Variants in WNT3 observed in about 807,000 individuals in gnomAD.
The protein encoded by WNT3 is proto-oncogene Wnt-3.
Under a neutral mutation model 34.2 loss-of-function variants are expected in WNT3, and 7 were observed. The ratio of observed to expected loss-of-function variants is 0.20; its 90% CI spans 0.12 to 0.38. The LOEUF is 0.38. WNT3 is among the 10% of genes least tolerant of loss of function. The pLI is 1.00. For missense variants in WNT3, 267 were observed against 499.8 expected, an observed-to-expected ratio of 0.53 and a Z score of 4.44; for synonymous variants, 212 against 211.5, an observed-to-expected ratio of 1.00 and a Z score of -0.02.
rs1598753003 is a variant in WNT3, at chr17:46,768,243, G to A, written c.*8+69C>T. ...AACAGAAGGGGGTCGTCAAGAAGAC[G>A]AGATGGGCAAACAACCCCATTCCCT... On this transcript the variant is annotated intron_variant, in intron 4 of 4. Coordinates refer to ENST00000225512, the MANE Select transcript of WNT3 (RefSeq NM_030753.5). This position sits in a 1 kb window ranked among gnomAD's most constrained non-coding sequence, Gnocchi z 5.0. The A allele has an allele frequency of 2.5e-5, 40 of 1,602,946 alleles. No individual in the cohort carries two copies. The East Asian group carries it at 6.0e-4, about 24-fold the overall frequency.
intron 1 of WNT3, among the ~76,000 whole-genome samples, chr17:46,803,670 C>G (rs2084155597): frequency 6.6e-6 from 1 of 152,234 alleles, no homozygotes. Context: ...AGGCCTGCAG[C>G]CTGCCCATCC....
At chr17:46,773,619 T>TCCCGGCCC in intron 2 of WNT3, 49 bp downstream of exon 2, 1 of 549,848 alleles carries the variant, frequency 1.8e-6, no homozygotes, top group Non-Finnish European at 3.2e-6. Flanking sequence ...ACAGTCCTGA[T>TCCCGGCCC]CCCTCCCCCC....
At chr17:46,801,642 GAATTAAATTA>G (rs1209176134) in intron 1 of WNT3, among the ~76,000 whole-genome samples, 1 of 147,374 alleles carries the variant, frequency 6.8e-6, no homozygotes, top group Admixed American at 6.8e-5. Flanking sequence ...GAATTGAATT[GAATTAAATTA>G]AATTAAATTA....
intron 1 of WNT3, among the ~76,000 whole-genome samples, chr17:46,805,039 G>A (rs955233210): frequency 6.6e-6 from 1 of 151,488 alleles, no homozygotes; most frequent in Non-Finnish European, 1.5e-5. Context: ...GGGTCCTTAA[G>A]ACCTGTAACA....
intron 2 of WNT3, among the ~76,000 whole-genome samples, chr17:46,771,861 G>A (rs1351074184): frequency 6.9e-6 from 1 of 144,386 alleles, no homozygotes; most frequent in African/African-American, 2.5e-5. Context: ...TTTTCAGGCC[G>A]CCCAGGCCCC....
intron 1 of WNT3, among the ~76,000 whole-genome samples, chr17:46,795,898 A>G (rs1263459986): frequency 6.6e-6 from 1 of 152,048 alleles, no homozygotes; most frequent in Non-Finnish European, 1.5e-5. Context: ...ACACACATGC[A>G]TGCACGCACA....
At chr17:46,804,485 A>G (rs969329399) in intron 1 of WNT3, among the ~76,000 whole-genome samples, 4 of 152,132 alleles carry the variant, frequency 2.6e-5, no homozygotes, top group African/African-American at 9.6e-5. Context: ...GGGGAAGGGA[A>G]GTGCTGTAAG....
At chr17:46,766,206 C>T (rs1295920368) in intron 4 of WNT3, among the ~76,000 whole-genome samples, 3 of 152,078 alleles carry the variant, frequency 2.0e-5, no homozygotes, top group Non-Finnish European at 2.9e-5. Context: ...GTCAGGAGTT[C>T]AAGACCAGCC....
At chr17:46,808,258 G>C (rs1473187820) in intron 1 of WNT3, among the ~76,000 whole-genome samples, 1 of 152,202 alleles carries the variant, frequency 6.6e-6, no homozygotes, top group Non-Finnish European at 1.5e-5. Context: ...TGCAATCCCA[G>C]CTTGAGGACA....
chr17:46,791,217 C>CT (rs936253029), intron 1 of WNT3, among the ~76,000 whole-genome samples: 123 of 146,648 alleles, frequency 8.4e-4, no homozygotes, highest in South Asian at 4.3e-3. Flanking sequence ...TTTCCTTACT[C>CT]TTTTTTTTTT....
intron 1 of WNT3, among the ~76,000 whole-genome samples, chr17:46,785,039 A>G (rs1450094998): frequency 6.6e-6 from 1 of 151,902 alleles, no homozygotes; most frequent in Non-Finnish European, 1.5e-5. Flanking sequence ...GGCCTCCCAA[A>G]GTGCTGGGAT....
chr17:46,808,128 A>G (rs1053450332), intron 1 of WNT3, among the ~76,000 whole-genome samples: 3 of 152,212 alleles, frequency 2.0e-5, no homozygotes, highest in Admixed American at 6.5e-5. Context: ...CATTTACGCT[A>G]CCCTTTCTGT....
intron 1 of WNT3, among the ~76,000 whole-genome samples, chr17:46,790,479 T>C (rs2083970406): frequency 6.6e-6 from 1 of 152,088 alleles, no homozygotes; most frequent in Non-Finnish European, 1.5e-5. Flanking sequence ...TGAGAAGCAC[T>C]GCCCTAGGTC....
chr17:46,782,974 G>A (rs1437636430), intron 1 of WNT3, among the ~76,000 whole-genome samples: 5 of 152,238 alleles, frequency 3.3e-5, no homozygotes, highest in Admixed American at 1.3e-4. Context: ...TCCTGTGGCT[G>A]TGGGAGAGCG....
intron 1 of WNT3, among the ~76,000 whole-genome samples, chr17:46,806,351 A>ACTGTAATCCCAGT (rs2084196747): frequency 6.6e-6 from 1 of 151,074 alleles, no homozygotes; most frequent in Admixed American, 6.6e-5. Context: ...CTGGGATTAC[A>ACTGTAATCCCAGT]GGCACGTGCC....
At chr17:46,772,146 AG>A (rs2059379705) in intron 2 of WNT3, among the ~76,000 whole-genome samples, 1 of 152,164 alleles carries the variant, frequency 6.6e-6, no homozygotes, top group Non-Finnish European at 1.5e-5. Flanking sequence ...CCTGGGTTCA[AG>A]GTCCGGGCTC....
chr17:46,815,941 T>G (rs924605094), intron 1 of WNT3, among the ~76,000 whole-genome samples: 25 of 152,198 alleles, frequency 1.6e-4, no homozygotes, highest in Admixed American at 1.5e-3. Flanking sequence ...GCCCAGCACC[T>G]GGGGACAGGA....
intron 1 of WNT3, among the ~76,000 whole-genome samples, chr17:46,815,544 G>A (rs572830301): frequency 2.0e-5 from 3 of 152,270 alleles, no homozygotes; most frequent in Admixed American, 2.0e-4. Flanking sequence ...CTGACTGCCA[G>A]GCGGGGGGCT....
chr17:46,764,984 GGCTCAC>G (rs2059300495), intron 4 of WNT3, among the ~76,000 whole-genome samples: 1 of 152,242 alleles, frequency 6.6e-6, no homozygotes, highest in African/African-American at 2.4e-5. Context: ...TGCTGTGCTG[GGCTCAC>G]GCCAGGCATG....
Sources: allele counts gnomAD v4.1 joint callset (sites outside exome capture counted in the v4.1 genomes callset), GRCh38; gene constraint gnomAD v4.1.1; non-coding constraint Gnocchi (gnomAD v3.1); transcripts MANE v1.5; gene names NCBI Gene and HGNC (gene_info 2026-07-23, HGNC 2026-07-21).